ANGPT1: variants seen among roughly 807,000 people sequenced by gnomAD.
The protein encoded by ANGPT1 is angiopoietin 1, also known as angiopoietin-1.
A neutral mutation model predicts 62.2 loss-of-function variants in ANGPT1; 17 were observed. The observed-to-expected ratio is 0.27, with a 90% confidence interval of 0.19 to 0.41. The LOEUF (loss-of-function observed/expected upper bound fraction) is 0.41, where lower values mean the gene tolerates loss of function less well. ANGPT1 is among the 10% of genes least tolerant of loss of function. ANGPT1 has a pLI of 1.00. For synonymous variants in ANGPT1, 199 were observed against 198.9 expected, an observed-to-expected ratio of 1.00 and a Z score of 0.00; for missense variants, 478 against 594.9, an observed-to-expected ratio of 0.80 and a Z score of 2.04.
At chr8:107,343,306 C>A (rs373913841) in intron 2 of ANGPT1, among the ~76,000 whole-genome samples, 3 of 151,972 alleles carry the variant, frequency 2.0e-5, no homozygotes, top group African/African-American at 4.8e-5. Context: ...GGCTTCAGAC[C>A]GGGATGGTCT....
chr8:107,355,445 A>C (rs1816023134), intron 1 of ANGPT1, among the ~76,000 whole-genome samples: 1 of 152,140 alleles, frequency 6.6e-6, no homozygotes, highest in Non-Finnish European at 1.5e-5. Context: ...GTCACTGTTC[A>C]AACTCTTTCA....
chr8:107,429,415 C>G (rs1010688639), intron 1 of ANGPT1, among the ~76,000 whole-genome samples: 3 of 152,076 alleles, frequency 2.0e-5, no homozygotes, highest in Non-Finnish European at 1.5e-5. Flanking sequence ...TGATCAAACC[C>G]CCTTGAAGCC....
chr8:107,299,979 C>A (rs1814539434), intron 5 of ANGPT1, among the ~76,000 whole-genome samples: 1 of 135,296 alleles, frequency 7.4e-6, no homozygotes, highest in Non-Finnish European at 1.6e-5. Context: ...CTAGTTATAT[C>A]TAGATATCTA....
intron 7 of ANGPT1, among the ~76,000 whole-genome samples, chr8:107,276,750 T>C (rs13279592): frequency 0.14 from 21,159 of 152,162 alleles, 1,711 homozygotes; most frequent in East Asian, 0.35. Flanking sequence ...GAAAAGTAAC[T>C]GCAAATCCAA....
intron 4 of ANGPT1, among the ~76,000 whole-genome samples, chr8:107,320,849 A>G (rs1237177780): frequency 6.6e-6 from 1 of 152,156 alleles, no homozygotes; most frequent in Non-Finnish European, 1.5e-5. Context: ...AAAGCATGAA[A>G]TTGAACAAAT....
intron 5 of ANGPT1, among the ~76,000 whole-genome samples, chr8:107,301,404 T>A (rs1323828444): frequency 6.6e-6 from 1 of 151,856 alleles, no homozygotes; most frequent in East Asian, 1.9e-4. Context: ...CTACTCCAGA[T>A]CAAATTCTCA....
At chr8:107,264,099 G>T in intron 8 of ANGPT1, 122 bp downstream of exon 8, 1 of 1,225,712 alleles carries the variant, frequency 8.2e-7, no homozygotes, top group Non-Finnish European at 1.1e-6. Flanking sequence ...AGAACAAAAT[G>T]ATCTCTAGGG....
chr8:107,367,461 G>A (rs1040821743), intron 1 of ANGPT1, among the ~76,000 whole-genome samples: 1 of 152,054 alleles, frequency 6.6e-6, no homozygotes, highest in Non-Finnish European at 1.5e-5. Context: ...GGTTGGAGTG[G>A]CTGTGACAAT....
chr8:107,490,765 C>T (rs1812934508), intron 1 of ANGPT1, among the ~76,000 whole-genome samples: 1 of 152,210 alleles, frequency 6.6e-6, no homozygotes, highest in Non-Finnish European at 1.5e-5. Flanking sequence ...CCATAGACAA[C>T]ACATAAATGA....
intron 1 of ANGPT1, among the ~76,000 whole-genome samples, chr8:107,460,305 G>A (rs1189384615): frequency 2.0e-5 from 3 of 152,108 alleles, no homozygotes; most frequent in East Asian, 3.8e-4. Flanking sequence ...AGCTACAGGT[G>A]GGATCAGAGA....
chr8:107,370,407 A>AGAAAGAAAGAAAGAAAGAAAG lies in ANGPT1; in HGVS notation c.298-23311_298-23310insCTTTCTTTCTTTCTTTCTTTC, dbSNP rs149930759. On this transcript the variant is annotated intron_variant, in intron 1 of 8. Coordinates refer to ENST00000517746, the MANE Select transcript of ANGPT1 (RefSeq NM_001146.5). ...AAGAAAGAAAGAAAGAAAGAAAGAAAGAGTCAGGGTCAGTGGCTCAGGCCT... is the reference window on the plus strand; with the variant it reads ...AAGAAAGAAAGAAAGAAAGAAAGAAAGAAAGAAAGAAAGAAAGAAAGGAGTCAGGGTCAGTGGCTCAGGCCT... Among the ~76,000 whole-genome samples the AGAAAGAAAGAAAGAAAGAAAG allele has an allele frequency of 1.3e-4, 9 of 71,930 alleles. 1 individual carries two copies. The highest frequency in any genetic ancestry group is 4.2e-4 in the Admixed American group (3 of 7,200). 47.2% of individuals were successfully genotyped at this position (71,930 alleles called of 152,430 possible). A position where few individuals can be genotyped will look rare whatever the true frequency, so the allele number is the denominator to read the frequency against.
intron 5 of ANGPT1, among the ~76,000 whole-genome samples, chr8:107,299,974 T>TATAACTAC (rs1814538982): frequency 1.5e-5 from 2 of 136,704 alleles, no homozygotes; most frequent in Admixed American, 7.4e-5. Context: ...ATATACTAGT[T>TATAACTAC]ATATCTAGAT....
chr8:107,339,315 C>T (rs1419626984), intron 2 of ANGPT1, among the ~76,000 whole-genome samples: 1 of 152,194 alleles, frequency 6.6e-6, no homozygotes, highest in Non-Finnish European at 1.5e-5. Context: ...AAGCCCTCAG[C>T]CTGGTCTGAA....
intron 1 of ANGPT1, among the ~76,000 whole-genome samples, chr8:107,358,210 T>C (rs890374210): frequency 1.3e-5 from 2 of 152,206 alleles, no homozygotes; most frequent in Non-Finnish European, 2.9e-5. Context: ...CAAAGCATTA[T>C]GTGTGAGGTC....
At chr8:107,294,951 A>G (rs1007861603) in intron 5 of ANGPT1, 1 of 152,146 alleles carries the variant, frequency 6.6e-6, no homozygotes, top group Admixed American at 6.6e-5. Flanking sequence ...AAGCATGTTG[A>G]AGCTTGGCTA....
Position 107,474,317 on chromosome 8 carries a change from G to A in ANGPT1, c.297+22945C>T, listed in dbSNP as rs112845498. Among the ~76,000 whole-genome samples, 917 of 152,178 alleles carry A rather than the reference G, an allele frequency of 6.0e-3. 11 individuals are homozygous for A. The highest frequency in any genetic ancestry group is 0.021 in the African/African-American group (874 of 41,534). The stretch of plus-strand genomic sequence containing the variant: ...ATAAATGTAATCCAGCATATAAACA[G>A]AACCAAAGACAAAAACCACATGATT... On this transcript the variant is annotated intron_variant, in intron 1 of 8. Coordinates refer to ENST00000517746, the MANE Select transcript of ANGPT1 (RefSeq NM_001146.5).
intron 1 of ANGPT1, among the ~76,000 whole-genome samples, chr8:107,435,218 A>G (rs1206992528): frequency 6.6e-6 from 1 of 152,176 alleles, no homozygotes; most frequent in Non-Finnish European, 1.5e-5. Context: ...AAGTCATCGG[A>G]CTGTACATTT....
intron 4 of ANGPT1, among the ~76,000 whole-genome samples, chr8:107,313,222 T>C (rs994165332): frequency 8.5e-5 from 13 of 152,082 alleles, no homozygotes; most frequent in Admixed American, 5.2e-4. Flanking sequence ...ATCTGACTTA[T>C]TCATAAATCC....
chr8:107,298,809 G>A (rs1460265435), intron 5 of ANGPT1, among the ~76,000 whole-genome samples: 1 of 151,558 alleles, frequency 6.6e-6, no homozygotes, highest in Non-Finnish European at 1.5e-5. Context: ...TTGATGCTTC[G>A]GTTTTTGTGT....
Sources: gnomAD v4.1 joint callset for allele counts (sites outside exome capture counted in the v4.1 genomes callset) on GRCh38, gnomAD v4.1.1 for gene constraint, MANE v1.5 for transcripts, NCBI Gene and HGNC (gene_info 2026-07-23, HGNC 2026-07-21) for gene names.